HS1BP3: variants seen among roughly 807,000 people sequenced by gnomAD.
HS1BP3 encodes the protein HCLS1-binding protein 3.
A neutral mutation model predicts 33.5 loss-of-function variants in HS1BP3; 32 were observed. That is an observed-to-expected ratio of 0.95 (90% confidence interval 0.72 to 1.28). The LOEUF is 1.28. HS1BP3 is among the 50% of genes most tolerant of loss of function. The probability of loss-of-function intolerance (pLI) is 0.00; values close to 1 mark genes in which losing one functional copy is unlikely to be tolerated. For missense variants in HS1BP3, 486 were observed against 502.3 expected, an observed-to-expected ratio of 0.97 and a Z score of 0.31; for synonymous variants, 187 against 209.2, an observed-to-expected ratio of 0.89 and a Z score of 0.92.
At chr2:20,624,091 G>A (rs1188778456) in intron 5 of HS1BP3, 60 bp from the exon 6 acceptor site, 23 of 1,568,160 alleles carry the variant, frequency 1.5e-5, no homozygotes, top group Admixed American at 9.4e-5. Context: ...TGCCATGGCT[G>A]CTCTCTCTCT....
At chr2:20,649,842 C>T (rs780768490) in intron 1 of HS1BP3, among the ~76,000 whole-genome samples, 4 of 152,208 alleles carry the variant, frequency 2.6e-5, no homozygotes, top group Non-Finnish European at 5.9e-5. Flanking sequence ...TAACAAGCCA[C>T]GTCCAGGCTG....
chr2:20,578,049 C>G (rs72782351), intron 5 of HS1BP3, among the ~76,000 whole-genome samples: 5,888 of 152,334 alleles, frequency 0.039, 167 homozygotes, highest in Non-Finnish European at 0.066. Flanking sequence ...TCATCATGAT[C>G]CAGCCGGCTG....
At chr2:20,583,520 C>T (rs1205431889) in intron 5 of HS1BP3, among the ~76,000 whole-genome samples, 1 of 152,206 alleles carries the variant, frequency 6.6e-6, no homozygotes, top group Admixed American at 6.5e-5. Context: ...TGTAGCCCCA[C>T]CAATTCTCAG....
chr2:20,562,458 G>A (rs1370005394), intron 5 of HS1BP3, among the ~76,000 whole-genome samples: 6 of 152,162 alleles, frequency 3.9e-5, no homozygotes, highest in Admixed American at 3.3e-4. Flanking sequence ...TAGCCTGGGC[G>A]ACAGAGTGAG....
chr2:20,641,166 G>A lies in HS1BP3; in HGVS notation c.213C>T (p.Tyr71=), dbSNP rs1450552916. 6.2e-7 allele frequency: 1 copy of A among 1,605,582 alleles called. No individual in the cohort carries two copies. Among genetic ancestry groups the A allele is most frequent in the Non-Finnish European group, 8.5e-7 (1 of 1,179,846 alleles). Residue 71 remains tyrosine, a synonymous_variant, in exon 3 of 7, where the codon TAC becomes TAT. Transcript: ENST00000304031. Reference sequence around the variant, plus strand: ...TCTGGTAAAACTCCTCAATCTCGCTGTACTTTTTGGAGACCTGGAATGAGA... The same window carrying A: ...TCTGGTAAAACTCCTCAATCTCGCTATACTTTTTGGAGACCTGGAATGAGA... ...DVVQFLVSKK[Y]SEIEEFYQKL... is the part of the protein sequence containing the mutation.
chr2:20,581,320 G>T (rs1693528325), intron 5 of HS1BP3, among the ~76,000 whole-genome samples: 3 of 152,062 alleles, frequency 2.0e-5, no homozygotes, highest in Admixed American at 2.0e-4. Flanking sequence ...AAACTTAGCA[G>T]CTTAAAACAA....
At chr2:20,595,399 G>C (rs1558327420) in intron 3 of HS1BP3, among the ~76,000 whole-genome samples, 1 of 152,144 alleles carries the variant, frequency 6.6e-6, no homozygotes, top group Admixed American at 6.5e-5. Context: ...CACTCACCAG[G>C]AGCAGAACCC....
intron 3 of HS1BP3, among the ~76,000 whole-genome samples, chr2:20,596,828 G>C (rs1265515000): frequency 6.6e-6 from 1 of 152,118 alleles, no homozygotes; most frequent in Non-Finnish European, 1.5e-5. Context: ...CTCCTTCAGG[G>C]CCTGGTGTTT....
chr2:20,629,314 C>T (rs555829694), intron 4 of HS1BP3, among the ~76,000 whole-genome samples: 163 of 152,346 alleles, frequency 1.1e-3, no homozygotes, highest in African/African-American at 3.5e-3. Flanking sequence ...TGGTCCTCCT[C>T]CTCCTCCATT....
chr2:20,635,460 A>C (rs977204875), intron 4 of HS1BP3: 3 of 152,252 alleles, frequency 2.0e-5, no homozygotes, highest in African/African-American at 7.2e-5. Flanking sequence ...TCAAAGGTGC[A>C]TTCAGAAATT....
chr2:20,613,056 G>T (rs572056244), downstream of HS1BP3, among the ~76,000 whole-genome samples: 22 of 152,152 alleles, frequency 1.4e-4, no homozygotes, highest in South Asian at 4.1e-4. Context: ...GGATGGGGGG[G>T]ACTGAGTCAA....
intron 2 of HS1BP3, among the ~76,000 whole-genome samples, chr2:20,604,496 G>T (rs934304821): frequency 6.6e-6 from 1 of 152,188 alleles, no homozygotes; most frequent in African/African-American, 2.4e-5. Context: ...TGGCCTCTCA[G>T]CCCAATTCTC....
rs545082988 is a variant in HS1BP3 at position 20,642,943 on chromosome 2, T to C, written c.199-1763A>G. On this transcript the variant is annotated intron_variant, in intron 2 of 6. Transcript: ENST00000304031. ...ATCCAAGAGCCTGCACAACCTCCACTGCGGTGCCCCCTCCTGCGGCTGTTT... is the reference window on the plus strand; with the variant it reads ...ATCCAAGAGCCTGCACAACCTCCACCGCGGTGCCCCCTCCTGCGGCTGTTT... Among the ~76,000 whole-genome samples, 7 of 152,346 alleles carry C rather than the reference T, an allele frequency of 4.6e-5. No homozygotes were observed. In the East Asian group the frequency reaches 1.3e-3, roughly 29 times the overall value.
intron 3 of HS1BP3, chr2:20,639,963 C>T (rs1308485288): frequency 6.6e-6 from 1 of 152,278 alleles, no homozygotes; most frequent in Non-Finnish European, 1.5e-5. Flanking sequence ...CCACAGGACA[C>T]CGGGGCTGTG....
At position 20,649,033 on chromosome 2, in the gene HS1BP3, G is replaced by T. The variant is rs531377585; in HGVS notation, c.32+1999C>A. Among the ~76,000 whole-genome samples the T allele has an allele frequency of 3.6e-3, 547 of 151,450 alleles. 4 individuals are homozygous for T. Among genetic ancestry groups the T allele is most frequent in the African/African-American group, 0.013 (526 of 41,232 alleles). ...CATCACCCCGGGCCAAGCCACCACC[G>T]GCTCTACATGGAAACCTACAAGCCT... On this transcript the variant is annotated intron_variant, in intron 1 of 6. Coordinates refer to ENST00000304031, the MANE Select transcript of HS1BP3 (RefSeq NM_022460.4).
intron 4 of HS1BP3, among the ~76,000 whole-genome samples, chr2:20,627,587 T>C (rs1020401919): frequency 6.6e-6 from 1 of 152,210 alleles, no homozygotes; most frequent in African/African-American, 2.4e-5. Flanking sequence ...GTCCTTGTTT[T>C]TCTCCCTAGA....
In HS1BP3 at chr2:20,648,892, C is replaced by T. The variant is rs559302037; in HGVS notation, c.32+2140G>A. Among the ~76,000 whole-genome samples, 163 of 152,354 alleles carry T rather than the reference C, an allele frequency of 1.1e-3. 1 individual carries two copies. Among genetic ancestry groups the T allele is most frequent in the Middle Eastern group, 6.8e-3 (2 of 294 alleles). On this transcript the variant is annotated intron_variant, in intron 1 of 6. Transcript: ENST00000304031. ...CAGCAGCTTAGGCTGAGAGACTTGC[C>T]GTTAGTCTTAACTTCTCTTCTTGTT...
At position 20,624,799 on chromosome 2, in the gene HS1BP3, CT is replaced by C; in HGVS notation, c.716del (p.Glu239GlyfsTer25). The C allele has an allele frequency of 6.2e-7, 1 of 1,613,182 alleles. No homozygotes were observed. On this transcript the variant is annotated frameshift_variant, in exon 5 of 7. Transcript: ENST00000304031. LOFTEE classifies it high-confidence loss of function. ...GCTTCCTGCCCGGGCCAAAGAGCCCCTCATCAGGGTCCACCTCCTCGTCAAA... is the reference window on the plus strand; with the variant it reads ...GCTTCCTGCCCGGGCCAAAGAGCCCCCATCAGGGTCCACCTCCTCGTCAAA... Reference protein sequence around the residue: ...TIFDEEVDPDEGLFGPGRKLS... With the variant: ...TIFDEEVDPDXGLFGPGRKLS...
chr2:20,647,799 A>G (rs1432100969), intron 1 of HS1BP3, among the ~76,000 whole-genome samples: 1 of 152,146 alleles, frequency 6.6e-6, no homozygotes, highest in Non-Finnish European at 1.5e-5. Flanking sequence ...CCCTAGACCA[A>G]GCTTCTCCAA....
Sources: gnomAD v4.1 joint callset for allele counts (sites outside exome capture counted in the v4.1 genomes callset) on GRCh38, gnomAD v4.1.1 for gene constraint, MANE v1.5 for transcripts, NCBI Gene and HGNC (gene_info 2026-07-23, HGNC 2026-07-21) for gene names.